SDAD1: variants seen among roughly 807,000 people sequenced by gnomAD.
The protein encoded by SDAD1 is protein SDA1 homolog.
SDAD1 carries 79 observed loss-of-function variants against 100.3 expected under a neutral mutation model. The observed-to-expected ratio is 0.79, with a 90% CI of 0.66 to 0.95. The LOEUF (loss-of-function observed/expected upper bound fraction) is 0.95. Among genes scored for constraint, SDAD1 ranks in the 40% least tolerant of loss-of-function variants. The pLI, the probability that SDAD1 is intolerant of heterozygous loss-of-function variation, is 0.00. For synonymous variants in SDAD1, 267 were observed against 271.4 expected (o/e 0.98, Z 0.16); for missense variants, 790 against 810.9 (o/e 0.97, Z 0.31).
intron 3 of SDAD1, 34 bp from the exon 4 acceptor site, chr4:75,977,790 G>A: frequency 1.5e-6 from 2 of 1,304,022 alleles, no homozygotes; most frequent in East Asian, 2.3e-5. Context: ...ATAAGACAAT[G>A]GTAAAGTTAA....
chr4:75,954,746 G>C (rs1728798424), intron 21 of SDAD1, among the ~76,000 whole-genome samples: 1 of 152,200 alleles, frequency 6.6e-6, no homozygotes, highest in African/African-American at 2.4e-5. Context: ...CCCCTGCAGA[G>C]AGCCTATGAA....
At chr4:75,990,523 G>A (rs1197677780) in intron 1 of SDAD1, among the ~76,000 whole-genome samples, 1 of 152,152 alleles carries the variant, frequency 6.6e-6, no homozygotes, top group African/African-American at 2.4e-5. Context: ...GTGTTTCAGC[G>A]GCAGCAGGGC....
chr4:75,973,241 C>T, intron 8 of SDAD1, 76 bp downstream of exon 8: 1 of 1,139,268 alleles, frequency 8.8e-7, no homozygotes, highest in Non-Finnish European at 1.3e-6. Context: ...CTAACTTCAG[C>T]AGTCATAGAC....
At chr4:75,955,251 T>C (rs1728823733) in intron 21 of SDAD1, among the ~76,000 whole-genome samples, 1 of 152,172 alleles carries the variant, frequency 6.6e-6, no homozygotes, top group South Asian at 2.1e-4. Flanking sequence ...CGACCCTAAA[T>C]CCCTCACTAA....
chr4:75,961,690 G>T (rs1324392924), intron 14 of SDAD1, among the ~76,000 whole-genome samples: 1 of 152,146 alleles, frequency 6.6e-6, no homozygotes, highest in Non-Finnish European at 1.5e-5. Flanking sequence ...TACTTATCAG[G>T]ACAGATTAGA....
intron 3 of SDAD1, among the ~76,000 whole-genome samples, 198 bp downstream of exon 3, chr4:75,981,174 C>CT (rs1730482441): frequency 6.6e-6 from 1 of 152,158 alleles, no homozygotes; most frequent in East Asian, 1.9e-4. Flanking sequence ...CATGCAGGCA[C>CT]TTTTGAGCCA....
Position 75,981,359 on chromosome 4 carries a change from C to T in SDAD1, c.294+13G>A, listed in dbSNP as rs747119503. On this transcript the variant is annotated intron_variant, in intron 3 of 21. Transcript: ENST00000356260. ...AACACAGCACAATTTATTCATCCAA[C>T]TACTGGTCCTACCATTCGCAGATCT... 2.5e-6 allele frequency: 4 copies of T among 1,612,818 alleles called. No individual in the cohort carries two copies. Among genetic ancestry groups the T allele is most frequent in the Non-Finnish European group, 3.4e-6 (4 of 1,178,882 alleles).
At chr4:75,967,382 A>G in intron 11 of SDAD1, 48 bp from the exon 12 acceptor site, 1 of 1,536,480 alleles carries the variant, frequency 6.5e-7, no homozygotes, top group Non-Finnish European at 9.0e-7. Context: ...GACACTATGG[A>G]GTTCCATTTC....
chr4:75,966,219 A>G (rs1048870684), intron 12 of SDAD1, among the ~76,000 whole-genome samples: 1 of 151,438 alleles, frequency 6.6e-6, no homozygotes, highest in Non-Finnish European at 1.5e-5. Context: ...GTCTTAATGC[A>G]GTGCCTGGCA....
At position 75,970,298 on chromosome 4, in the gene SDAD1, T is replaced by C. The variant is rs767079883; in HGVS notation, c.883+11A>G. 4 of 1,610,460 alleles carry C rather than the reference T, an allele frequency of 2.5e-6. No homozygotes were observed. The highest frequency in any genetic ancestry group is 3.4e-6 in the Non-Finnish European group (4 of 1,176,992). On this transcript the variant is annotated intron_variant, in intron 10 of 21. Coordinates refer to ENST00000356260, the MANE Select transcript of SDAD1 (RefSeq NM_018115.4). ...AGGCCAACAAGGAACTCGGACGTCATAATAACGTACCTTGGGGATCATGAA... is the reference window on the plus strand; with the variant it reads ...AGGCCAACAAGGAACTCGGACGTCACAATAACGTACCTTGGGGATCATGAA...
Position 75,975,849 on chromosome 4 carries a change from A to G in SDAD1, c.478-5T>C, listed in dbSNP as rs201096701. ...GTACATGAAATTTTGCAATACCTGC[A>G]GAAAAGGAGGAGAAAGAAGACTTAA... On this transcript the variant is annotated splice_region_variant and splice_polypyrimidine_tract_variant and intron_variant, in intron 5 of 21. Transcript: ENST00000356260. 70 of 1,612,970 alleles carry G rather than the reference A, an allele frequency of 4.3e-5. No homozygotes were observed. The highest frequency in any genetic ancestry group is 5.1e-6 in the Non-Finnish European group (6 of 1,179,102).
intron 20 of SDAD1, 93 bp downstream of exon 20, chr4:75,957,232 A>T (rs1269336725): frequency 1.4e-5 from 14 of 986,084 alleles, no homozygotes; most frequent in Admixed American, 4.5e-5. Flanking sequence ...AAACATTTTT[A>T]AAAATTGCCA....
At chr4:75,957,033 C>G (rs981527727) in intron 20 of SDAD1, among the ~76,000 whole-genome samples, 3 of 152,280 alleles carry the variant, frequency 2.0e-5, no homozygotes, top group East Asian at 1.9e-4. Flanking sequence ...TCGCTTGAAC[C>G]TAGGAGGCAG....
chr4:75,952,748 A>G (rs553300083), intron 21 of SDAD1, among the ~76,000 whole-genome samples: 71 of 152,354 alleles, frequency 4.7e-4, no homozygotes, highest in Non-Finnish European at 8.8e-4. Context: ...ACTACTGAGC[A>G]TTTGAAATGT....
chr4:75,986,724 A>T (rs1730916857), intron 1 of SDAD1, among the ~76,000 whole-genome samples: 1 of 152,166 alleles, frequency 6.6e-6, no homozygotes, highest in Admixed American at 6.6e-5. Context: ...AAAACAAAAC[A>T]AAACAAAAAA....
In SDAD1 at chr4:75,971,939, A is replaced by ATTT. The variant is rs35932670; in HGVS notation, c.712-484_712-482dup. Among the ~76,000 whole-genome samples the ATTT allele has an allele frequency of 5.1e-5, 7 of 138,386 alleles. No individual in the cohort carries two copies. The East Asian group carries it at 8.4e-4, about 17-fold the overall frequency. 90.8% of individuals were successfully genotyped at this position (138,386 alleles called of 152,430 possible). On this transcript the variant is annotated intron_variant, in intron 8 of 21. Coordinates refer to ENST00000356260, the MANE Select transcript of SDAD1 (RefSeq NM_018115.4). ...ATACAAAGATTTTCACTGTAGCACT[A>ATTT]TTTTTTTTTTTTTTTTTGAGATGGA...
chr4:75,977,673 A>T lies in SDAD1; in HGVS notation c.378T>A (p.Phe126Leu). The change falls in exon 4 of 22, where the codon TTT (phenylalanine) becomes TTA (leucine). Residue 126 changes from phenylalanine (F) to leucine (L), a missense_variant. By Grantham distance (22) the Phe-to-Leu change is conservative. Transcript: ENST00000356260. ...SSLLELFFEL[F>L]RCHDKLLRKT... Reference sequence around the variant, plus strand: ...TTCGCAGAAGTTTATCATGGCAACGAAAAAGTTCAAAGAAGAGTTCTAGCA... The same window carrying T: ...TTCGCAGAAGTTTATCATGGCAACGTAAAAGTTCAAAGAAGAGTTCTAGCA... 3.1e-6 allele frequency: 5 copies of T among 1,612,292 alleles called. No homozygotes were observed. Among genetic ancestry groups the T allele is most frequent in the Non-Finnish European group, 4.2e-6 (5 of 1,178,826 alleles).
At chr4:75,983,192 T>C (rs1350972128) in intron 1 of SDAD1, among the ~76,000 whole-genome samples, 2 of 152,234 alleles carry the variant, frequency 1.3e-5, no homozygotes, top group East Asian at 3.8e-4. Context: ...TAGTCTATCA[T>C]TGATGGGCAT....
chr4:75,990,549 A>C lies in SDAD1; in HGVS notation c.90+203T>G. Reference sequence around the variant, plus strand: ...GCAGCAGGGCAGGTAGAAAATCCAAAGGGGCAACAGATTTTCAAGAGGTGG... The same window carrying C: ...GCAGCAGGGCAGGTAGAAAATCCAACGGGGCAACAGATTTTCAAGAGGTGG... On this transcript the variant is annotated intron_variant, in intron 1 of 21. Coordinates refer to ENST00000356260, the MANE Select transcript of SDAD1 (RefSeq NM_018115.4). 4.7e-6 allele frequency: 5 copies of C among 1,061,638 alleles called. No homozygotes were observed. In the South Asian group the frequency reaches 7.1e-5, roughly 15 times the overall value. 65.8% of individuals were successfully genotyped at this position (1,061,638 alleles called of 1,614,324 possible).
Sources: allele counts gnomAD v4.1 joint callset (sites outside exome capture counted in the v4.1 genomes callset), GRCh38; gene constraint gnomAD v4.1.1; transcripts MANE v1.5; gene names NCBI Gene and HGNC (gene_info 2026-07-23, HGNC 2026-07-21).